Variants in SLC35F5 observed in about 807,000 individuals in gnomAD.
The protein encoded by SLC35F5 is solute carrier family 35 member F5, also known as HCV NS5A-transactivated protein 3.
SLC35F5 carries 54 observed loss-of-function variants against 68.6 expected under a neutral mutation model. The ratio of observed to expected loss-of-function variants is 0.79; its 90% CI spans 0.63 to 0.99. The LOEUF (loss-of-function observed/expected upper bound fraction) is 0.99. Ranked by LOEUF, SLC35F5 falls within the 50% of genes least tolerant of loss-of-function variation. The pLI is 0.00. For missense variants in SLC35F5, 567 were observed against 626.9 expected, an observed-to-expected ratio of 0.90 and a Z score of 1.02; for synonymous variants, 211 against 205.2, an observed-to-expected ratio of 1.03 and a Z score of -0.24.
At chr2:113,722,702 T>C (rs1210779645) in intron 13 of SLC35F5, among the ~76,000 whole-genome samples, 3 of 152,186 alleles carry the variant, frequency 2.0e-5, no homozygotes, top group African/African-American at 7.2e-5. Context: ...CAGAGAGAGA[T>C]GGCTAACTTT....
chr2:113,731,626 T>A lies in SLC35F5; in HGVS notation c.943A>T (p.Asn315Tyr). The A allele has an allele frequency of 5.0e-6, 8 of 1,613,268 alleles. No homozygotes were observed. Among genetic ancestry groups the A allele is most frequent in the South Asian group, 1.1e-5 (1 of 91,072 alleles). Reference protein sequence around the residue: ...ILSIGGVVLVNLAGSEKPAGR... With the variant: ...ILSIGGVVLVYLAGSEKPAGR... ...GCAGGTTTTTCAGACCCTGCCAGGT[T>A]TACCAGTACAACGCCTCCAATGCTA... The change falls in exon 10 of 16, where the codon AAC (asparagine) becomes TAC (tyrosine). Residue 315 changes from asparagine (N) to tyrosine (Y), a missense_variant. Coordinates refer to ENST00000245680, the MANE Select transcript of SLC35F5 (RefSeq NM_025181.5).
Position 113,750,491 on chromosome 2 carries a change from G to C in SLC35F5, c.351C>G (p.Gly117=), listed in dbSNP as rs1271496927. 6.2e-7 allele frequency: 1 copy of C among 1,613,694 alleles called. No homozygotes were observed. Among genetic ancestry groups the C allele is most frequent in the Non-Finnish European group, 8.5e-7 (1 of 1,179,782 alleles). ...KTSMFVLYLL[G]FIIWKPWRQQ... ...GTCTCCATGGCTTCCAAATAATAAAGCCCAAAAGGTACAAAACAAACATAG... is the reference window on the plus strand; with the variant it reads ...GTCTCCATGGCTTCCAAATAATAAACCCCAAAAGGTACAAAACAAACATAG... The change falls in exon 4 of 16, where the codon GGC becomes GGG. Residue 117 remains glycine (G), a synonymous_variant. Transcript: ENST00000245680.
At chr2:113,746,664 G>A (rs1021228590) in intron 4 of SLC35F5, among the ~76,000 whole-genome samples, 5 of 152,092 alleles carry the variant, frequency 3.3e-5, no homozygotes, top group Admixed American at 2.0e-4. Context: ...AGAGGGATGG[G>A]TTAGTTAAAA....
chr2:113,731,697 C>A lies in SLC35F5; in HGVS notation c.921-49G>T, dbSNP rs751794509. The A allele has an allele frequency of 1.1e-5, 16 of 1,425,000 alleles. No homozygotes were observed. In the South Asian group the frequency reaches 1.8e-4, roughly 16 times the overall value. 88.3% of individuals were successfully genotyped at this position (1,425,000 alleles called of 1,614,324 possible). On this transcript the variant is annotated intron_variant, in intron 9 of 15. Coordinates refer to ENST00000245680, the MANE Select transcript of SLC35F5 (RefSeq NM_025181.5). ...GATGAGCTAAAGAATTCTGAAAAGCCTAATCATGAAGATAAAAATTATTTA... is the reference window on the plus strand; with the variant it reads ...GATGAGCTAAAGAATTCTGAAAAGCATAATCATGAAGATAAAAATTATTTA...
At chr2:113,718,491 T>C (rs1389745129) in intron 14 of SLC35F5, among the ~76,000 whole-genome samples, 2 of 152,204 alleles carry the variant, frequency 1.3e-5, no homozygotes, top group Admixed American at 1.3e-4. Context: ...ATATTTAAGT[T>C]TGTTATGGCA....
intron 12 of SLC35F5, among the ~76,000 whole-genome samples, chr2:113,724,347 G>A (rs1451145059): frequency 6.6e-6 from 1 of 152,114 alleles, no homozygotes; most frequent in Admixed American, 6.6e-5. Context: ...TCTGTTAATA[G>A]TTAAGGTTAA....
chr2:113,715,455 C>T (rs1034490390), intron 15 of SLC35F5, among the ~76,000 whole-genome samples: 4 of 152,098 alleles, frequency 2.6e-5, no homozygotes, highest in African/African-American at 9.7e-5. Context: ...CACCATTACT[C>T]CTGCAAAGAC....
At chr2:113,737,310 T>C (rs1043878555) in intron 7 of SLC35F5, among the ~76,000 whole-genome samples, 2 of 152,222 alleles carry the variant, frequency 1.3e-5, no homozygotes. Flanking sequence ...CAGTCCATAC[T>C]GTACTCAAGG....
intron 5 of SLC35F5, among the ~76,000 whole-genome samples, chr2:113,744,367 TAGCTAC>T (rs1162026757): frequency 6.6e-6 from 1 of 152,174 alleles, no homozygotes; most frequent in Non-Finnish European, 1.5e-5. Context: ...TTACACAAAA[TAGCTAC>T]TACTTACCAG....
intron 3 of SLC35F5, among the ~76,000 whole-genome samples, chr2:113,754,677 G>T (rs1279857303): frequency 2.0e-5 from 3 of 152,204 alleles, no homozygotes; most frequent in Admixed American, 2.0e-4. Context: ...GGTATACCAT[G>T]CATCTTATAA....
At chr2:113,735,716 A>G in intron 8 of SLC35F5, 61 bp downstream of exon 8, 1 of 1,107,426 alleles carries the variant, frequency 9.0e-7, no homozygotes, top group Non-Finnish European at 1.3e-6. Context: ...ATGTACACAC[A>G]TATATACCAG....
At chr2:113,745,773 A>G (rs1380723199) in intron 5 of SLC35F5, among the ~76,000 whole-genome samples, 1 of 152,232 alleles carries the variant, frequency 6.6e-6, no homozygotes, top group Non-Finnish European at 1.5e-5. Flanking sequence ...ACAAATACTT[A>G]AAATAAGTGA....
chr2:113,747,723 T>C (rs1304965217), intron 4 of SLC35F5, among the ~76,000 whole-genome samples: 2 of 152,256 alleles, frequency 1.3e-5, no homozygotes, highest in Non-Finnish European at 2.9e-5. Context: ...TTTAATTATA[T>C]ACTGCTAACA....
chr2:113,723,073 A>G (rs760253575), intron 13 of SLC35F5, 31 bp downstream of exon 13: 1 of 1,449,450 alleles, frequency 6.9e-7, no homozygotes, highest in Non-Finnish European at 9.3e-7. Flanking sequence ...ACACACCTAA[A>G]ATATCTATGA....
In SLC35F5 at chr2:113,719,203, C is replaced by T; in HGVS notation, c.1447G>A (p.Gly483Arg). The T allele has an allele frequency of 6.2e-7, 1 of 1,607,166 alleles. No homozygotes were observed. Among genetic ancestry groups the T allele is most frequent in the Non-Finnish European group, 8.5e-7 (1 of 1,178,652 alleles). The change falls in exon 14 of 16, where the codon GGA becomes AGA. Residue 483 changes from glycine (G) to arginine (R), a missense_variant. Transcript: ENST00000245680. ...ATAAAAGCAAATATTCTTCTGATTCCCACCATCACAGGATCCCAATTATTA... is the reference window on the plus strand; with the variant it reads ...ATAAAAGCAAATATTCTTCTGATTCTCACCATCACAGGATCCCAATTATTA... ...HYNNWDPVMV[G>R]IRRIFAFICR...
chr2:113,755,733 A>G, intron 1 of SLC35F5, 189 bp from the exon 2 acceptor site: 1 of 1,067,976 alleles, frequency 9.4e-7, no homozygotes, highest in Non-Finnish European at 1.4e-6. Flanking sequence ...TTATACTTAG[A>G]GAGATACGCG....
chr2:113,755,392 T>C, intron 2 of SLC35F5, 62 bp downstream of exon 2: 1 of 1,604,334 alleles, frequency 6.2e-7, no homozygotes. Flanking sequence ...AACAGAAACA[T>C]TTGACTTTTG....
intron 7 of SLC35F5, among the ~76,000 whole-genome samples, chr2:113,737,435 A>G (rs1187724392): frequency 1.3e-5 from 2 of 152,246 alleles, no homozygotes; most frequent in African/African-American, 2.4e-5. Context: ...TTGATGGGCA[A>G]TATCAAACAT....
At chr2:113,747,480 A>G (rs1003310283) in intron 4 of SLC35F5, among the ~76,000 whole-genome samples, 2 of 152,256 alleles carry the variant, frequency 1.3e-5, no homozygotes, top group African/African-American at 4.8e-5. Context: ...TTCAAACACT[A>G]GAGCCCATGC....
Sources: allele counts gnomAD v4.1 joint callset (sites outside exome capture counted in the v4.1 genomes callset), GRCh38; gene constraint gnomAD v4.1.1; transcripts MANE v1.5; gene names NCBI Gene and HGNC (gene_info 2026-07-23, HGNC 2026-07-21).